Variants in PFKP observed in about 807,000 individuals in gnomAD.
The protein encoded by PFKP is phosphofructokinase, platelet.
In PFKP, 101 loss-of-function variants were observed where a neutral mutation model predicts 94.3. The observed-to-expected ratio is 1.07, with a 90% CI of 0.91 to 1.26. The LOEUF (loss-of-function observed/expected upper bound fraction) is 1.26. Among genes scored for constraint, PFKP ranks in the 50% most tolerant of loss-of-function variants. The pLI is 0.00. For synonymous variants in PFKP, 573 were observed against 432.6 expected, an observed-to-expected ratio of 1.32 and a Z score of -4.03; for missense variants, 1,145 against 1,103.3, an observed-to-expected ratio of 1.04 and a Z score of -0.53.
At chr10:3,133,451 GAC>G (rs1398471429) in intron 19 of PFKP, 137 bp downstream of exon 19, 2 of 663,178 alleles carry the variant, frequency 3.0e-6, no homozygotes, top group African/African-American at 3.6e-5. Flanking sequence ...AACTTTTTGA[GAC>G]AGAGTCTTGC....
rs769580403 is a variant in PFKP at position 3,132,469 on chromosome 10, T to C, written c.1910+28T>C. On this transcript the variant is annotated intron_variant, in intron 18 of 21. Transcript: ENST00000381125. ...GAGAGAGAGAGACCAGGGGCTGATC[T>C]TACCCTCACCGCCACACCCTGGTTC... 9 of 1,502,352 alleles carry C rather than the reference T, an allele frequency of 6.0e-6. No individual in the cohort carries two copies. In the Admixed American group the frequency reaches 6.7e-5, roughly 11 times the overall value. The allele number at this position is 1,502,352 out of a possible 1,614,324, so 93.1% of individuals were successfully genotyped here.
At chr10:3,074,039 C>T (rs560315846) in intron 1 of PFKP, among the ~76,000 whole-genome samples, 3 of 152,272 alleles carry the variant, frequency 2.0e-5, no homozygotes, top group Admixed American at 6.5e-5. Flanking sequence ...TGGGTTTCAC[C>T]GTGTTGGTCA....
At chr10:3,136,378 T>C (rs1012895348) in intron 21 of PFKP, 72 bp from the exon 22 acceptor site, 82 of 1,543,940 alleles carry the variant, frequency 5.3e-5, no homozygotes, top group Non-Finnish European at 7.0e-5. Context: ...GACCGCTCGC[T>C]GTGCTGGCCA....
At position 3,109,317 on chromosome 10, in the gene PFKP, G is replaced by A. The variant is rs377167604; in HGVS notation, c.964-38G>A. On this transcript the variant is annotated intron_variant, in intron 9 of 21. Transcript: ENST00000381125. ...GGAGGTGACAGGGACAGGGCAGGAC[G>A]GGAGGCTGCCCCTGACCCACATGGA... 62 of 1,604,210 alleles carry A rather than the reference G, an allele frequency of 3.9e-5. No individual in the cohort carries two copies. The East Asian group carries it at 5.6e-4, about 14-fold the overall frequency.
rs181693310 is a variant in PFKP at position 3,126,548 on chromosome 10, G to A, written c.1684-3271G>A. Among the ~76,000 whole-genome samples, 756 of 152,322 alleles carry A rather than the reference G, an allele frequency of 5.0e-3. 6 individuals carry two copies. The highest frequency in any genetic ancestry group is 0.017 in the African/African-American group (721 of 41,558). ...TTGCTGCGGGTTCCATGCTGTAGCAGGGACAGGACCCCCACCCCCTGTCCC... is the reference window on the plus strand; with the variant it reads ...TTGCTGCGGGTTCCATGCTGTAGCAAGGACAGGACCCCCACCCCCTGTCCC... On this transcript the variant is annotated intron_variant, in intron 16 of 21. Coordinates refer to ENST00000381125, the MANE Select transcript of PFKP (RefSeq NM_002627.5).
intron 4 of PFKP, among the ~76,000 whole-genome samples, chr10:3,102,169 T>G (rs1835070340): frequency 7.5e-6 from 1 of 132,980 alleles, no homozygotes; most frequent in Non-Finnish European, 1.6e-5. Flanking sequence ...GAGAATGGCG[T>G]GAACCCGGGA....
chr10:3,104,725 T>C (rs2131558265), intron 5 of PFKP: 1 of 297,572 alleles, frequency 3.4e-6, no homozygotes, highest in East Asian at 1.0e-4. Context: ...CACTCACTTG[T>C]TTCCGTGGGA....
intron 8 of PFKP, 150 bp downstream of exon 8, chr10:3,107,459 G>T: frequency 1.6e-6 from 1 of 616,330 alleles, no homozygotes; most frequent in Non-Finnish European, 2.8e-6. Flanking sequence ...GAAGTTGGAC[G>T]GCAGGGGAAA....
chr10:3,073,306 C>T (rs1832337040), intron 1 of PFKP, among the ~76,000 whole-genome samples: 1 of 151,958 alleles, frequency 6.6e-6, no homozygotes, highest in African/African-American at 2.4e-5. Context: ...TCCCCTCTTC[C>T]CTAACACATA....
intron 2 of PFKP, among the ~76,000 whole-genome samples, chr10:3,094,526 A>G (rs1289996967): frequency 6.6e-6 from 1 of 152,122 alleles, no homozygotes; most frequent in Non-Finnish European, 1.5e-5. Flanking sequence ...TCTGGACAAG[A>G]GCGTTCCTTC....
In PFKP at chr10:3,084,650, G is replaced by A. The variant is rs796623917; in HGVS notation, c.186+2189G>A. ...CTGGCCCTGGTGGCAGCTGCCCCTT[G>A]CTCAGGGATGTGGAATGAGCACAGT... On this transcript the variant is annotated intron_variant, in intron 2 of 21. Coordinates refer to ENST00000381125, the MANE Select transcript of PFKP (RefSeq NM_002627.5). 1.1e-4 allele frequency among the ~76,000 whole-genome samples: 16 copies of A among 151,872 alleles called. 1 individual carries two copies. The highest frequency in any genetic ancestry group is 6.8e-3 in the Middle Eastern group (2 of 294).
chr10:3,068,712 G>T (rs1367309901), intron 1 of PFKP: 1 of 985,012 alleles, frequency 1.0e-6, no homozygotes, highest in African/African-American at 1.7e-5. Context: ...CCCGGATGAT[G>T]GAGTGTCCCG....
chr10:3,126,653 A>G (rs916632903), intron 16 of PFKP, among the ~76,000 whole-genome samples: 1 of 152,222 alleles, frequency 6.6e-6, no homozygotes, highest in African/African-American at 2.4e-5. Flanking sequence ...CTGCAGATTC[A>G]CAGAGCAAGG....
At position 3,113,100 on chromosome 10, in the gene PFKP, C is replaced by A. The variant is rs369295651; in HGVS notation, c.1155-19C>A. ...TCCGGTATTCTCGACTCCGGTCCAA[C>A]GACACCCTTTTCCTTTAGGAGCTTT... On this transcript the variant is annotated intron_variant, in intron 11 of 21. Transcript: ENST00000381125. 88 of 1,609,554 alleles carry A rather than the reference C, an allele frequency of 5.5e-5. No individual in the cohort carries two copies. The highest frequency in any genetic ancestry group is 7.3e-5 in the Non-Finnish European group (86 of 1,177,956).
intron 16 of PFKP, among the ~76,000 whole-genome samples, chr10:3,120,271 C>A (rs190716147): frequency 7.2e-4 from 110 of 152,164 alleles, no homozygotes; most frequent in African/African-American, 2.6e-3. Context: ...ACCAGGGGGA[C>A]GTAGTGTGGC....
chr10:3,125,223 G>C (rs547015670), intron 16 of PFKP: 2 of 1,341,514 alleles, frequency 1.5e-6, no homozygotes, highest in African/African-American at 1.5e-5. Context: ...CCTGGGCTCC[G>C]ACACTGGCCT....
At chr10:3,132,477 A>AGTG in intron 18 of PFKP, 36 bp downstream of exon 18, 1 of 1,397,488 alleles carries the variant, frequency 7.2e-7, no homozygotes, top group South Asian at 1.2e-5. Flanking sequence ...TCTTACCCTC[A>AGTG]CCGCCACACC....
intron 1 of PFKP, among the ~76,000 whole-genome samples, chr10:3,071,600 C>G (rs1832203707): frequency 6.6e-6 from 1 of 152,100 alleles, no homozygotes; most frequent in Admixed American, 6.5e-5. Context: ...GAACACTGTG[C>G]CACACACCAA....
At chr10:3,089,825 C>T (rs538600248) in intron 2 of PFKP, among the ~76,000 whole-genome samples, 2 of 152,028 alleles carry the variant, frequency 1.3e-5, no homozygotes, top group Non-Finnish European at 2.9e-5. Flanking sequence ...CCTTCTATCT[C>T]AAACTGTTTT....
Sources: gnomAD v4.1 joint callset for allele counts (sites outside exome capture counted in the v4.1 genomes callset) on GRCh38, gnomAD v4.1.1 for gene constraint, MANE v1.5 for transcripts, NCBI Gene and HGNC (gene_info 2026-07-23, HGNC 2026-07-21) for gene names.